MARCHF1: variants seen among roughly 807,000 people sequenced by gnomAD.
MARCHF1 encodes the protein E3 ubiquitin-protein ligase MARCHF1.
In MARCHF1, 40 loss-of-function variants were observed where a neutral mutation model predicts 54.2. The observed-to-expected ratio is 0.74, with a 90% CI of 0.57 to 0.96. The LOEUF (loss-of-function observed/expected upper bound fraction) is 0.96. MARCHF1 is among the 40% of genes least tolerant of loss of function. The pLI is 0.00. For synonymous variants in MARCHF1, 236 were observed against 236.3 expected, an observed-to-expected ratio of 1.00 and a Z score of 0.01; for missense variants, 586 against 656.5, an observed-to-expected ratio of 0.89 and a Z score of 1.17.
intron 3 of MARCHF1, among the ~76,000 whole-genome samples, chr4:163,982,640 G>T (rs1261976406): frequency 6.6e-6 from 1 of 152,160 alleles, no homozygotes; most frequent in African/African-American, 2.4e-5. Context: ...ACAAGGATTG[G>T]TTTTAAAGAA....
chr4:163,761,856 T>C (rs886182221), intron 4 of MARCHF1, among the ~76,000 whole-genome samples: 3 of 152,198 alleles, frequency 2.0e-5, no homozygotes, highest in South Asian at 2.1e-4. Context: ...GATTTGAGTA[T>C]TGAATGTATT....
chr4:163,763,520 C>A (rs1038920057), intron 4 of MARCHF1, among the ~76,000 whole-genome samples: 3 of 151,968 alleles, frequency 2.0e-5, no homozygotes, highest in Non-Finnish European at 4.4e-5. Flanking sequence ...AGTATCCAAG[C>A]CTTTATAAGT....
chr4:164,366,180 C>A (rs574588435), intron 1 of MARCHF1, among the ~76,000 whole-genome samples: 19 of 152,142 alleles, frequency 1.2e-4, no homozygotes, highest in African/African-American at 4.3e-4. Flanking sequence ...CCTTCCAATA[C>A]AAGTTTCGCA....
intron 3 of MARCHF1, among the ~76,000 whole-genome samples, chr4:163,895,645 A>C (rs1240006518): frequency 6.6e-6 from 1 of 152,134 alleles, no homozygotes; most frequent in Non-Finnish European, 1.5e-5. Context: ...TGCACCACAA[A>C]CTTAGCGAGG....
intron 4 of MARCHF1, among the ~76,000 whole-genome samples, chr4:163,838,896 G>A (rs562261302): frequency 2.0e-5 from 3 of 152,020 alleles, no homozygotes; most frequent in African/African-American, 7.2e-5. Context: ...AGAAAAGACT[G>A]GTAAGTTGGA....
chr4:164,080,213 A>T (rs888333229), intron 2 of MARCHF1, among the ~76,000 whole-genome samples: 5 of 152,186 alleles, frequency 3.3e-5, no homozygotes, highest in African/African-American at 1.2e-4. Flanking sequence ...GCCTTTCAAG[A>T]TCTGAGCTGA....
At chr4:163,809,534 T>C (rs1490594974) in intron 4 of MARCHF1, among the ~76,000 whole-genome samples, 2 of 152,190 alleles carry the variant, frequency 1.3e-5, no homozygotes, top group Admixed American at 6.5e-5. Flanking sequence ...TCTACTATTA[T>C]GAAGTCCTCC....
intron 3 of MARCHF1, among the ~76,000 whole-genome samples, chr4:163,870,736 G>T (rs573347917): frequency 1.2e-4 from 18 of 152,120 alleles, no homozygotes; most frequent in African/African-American, 4.1e-4. Flanking sequence ...AAGCCAGCAC[G>T]GAAAGACAAA....
chr4:163,568,794 A>C (rs10022280), intron 8 of MARCHF1, among the ~76,000 whole-genome samples: 1,583 of 152,246 alleles, frequency 0.01, 19 homozygotes, highest in African/African-American at 0.035. Context: ...CACAGGGAGC[A>C]GTGGTCCAAG....
intron 3 of MARCHF1, among the ~76,000 whole-genome samples, chr4:163,942,729 TAGGAA>T (rs1038045341): frequency 2.0e-5 from 3 of 152,138 alleles, no homozygotes; most frequent in African/African-American, 7.2e-5. Context: ...TAGGGAGTTA[TAGGAA>T]AGAACTGATT....
At chr4:163,573,571 T>C (rs1376946712) in intron 8 of MARCHF1, among the ~76,000 whole-genome samples, 3 of 150,878 alleles carry the variant, frequency 2.0e-5, no homozygotes, top group Non-Finnish European at 4.4e-5. Context: ...TGTTTGGTTT[T>C]TTGTTCTTGT....
chr4:163,919,120 T>C (rs1751371554), intron 3 of MARCHF1, among the ~76,000 whole-genome samples: 2 of 152,126 alleles, frequency 1.3e-5, no homozygotes, highest in South Asian at 4.1e-4. Flanking sequence ...CTGAAGATTG[T>C]AAGCAGGAAT....
intron 1 of MARCHF1, among the ~76,000 whole-genome samples, chr4:164,269,942 C>T (rs1357975758): frequency 6.6e-6 from 1 of 152,090 alleles, no homozygotes; most frequent in Non-Finnish European, 1.5e-5. Flanking sequence ...CTGCCATGAG[C>T]CCCTGCAATC....
intron 4 of MARCHF1, among the ~76,000 whole-genome samples, chr4:163,848,249 T>C (rs1051959007): frequency 2.6e-5 from 4 of 152,206 alleles, no homozygotes; most frequent in African/African-American, 7.2e-5. Context: ...CATCTCATCC[T>C]GGAATATAAT....
At chr4:163,907,212 T>C (rs2111324734) in intron 3 of MARCHF1, among the ~76,000 whole-genome samples, 1 of 152,246 alleles carries the variant, frequency 6.6e-6, no homozygotes, top group African/African-American at 2.4e-5. Flanking sequence ...TTGTATCCTA[T>C]ATTTCTATTG....
chr4:164,298,569 T>G (rs1027197663), intron 1 of MARCHF1, among the ~76,000 whole-genome samples: 1 of 152,064 alleles, frequency 6.6e-6, no homozygotes, highest in African/African-American at 2.4e-5. Flanking sequence ...TTACACGGAT[T>G]TAGTTATCTT....
chr4:163,680,118 C>T (rs1388312198), intron 5 of MARCHF1, among the ~76,000 whole-genome samples: 1 of 151,712 alleles, frequency 6.6e-6, no homozygotes, highest in Non-Finnish European at 1.5e-5. Flanking sequence ...TTAACTGAGT[C>T]CAAGGATCTT....
Position 164,158,355 on chromosome 4 carries a change from T to C in MARCHF1, c.-322-46693A>G, listed in dbSNP as rs563316722. 2.6e-5 allele frequency among the ~76,000 whole-genome samples: 4 copies of C among 152,160 alleles called. No individual in the cohort carries two copies. The South Asian group carries it at 6.2e-4, about 24-fold the overall frequency. ...CCAAATATGTGAATATGGAGAGTGA[T>C]AAAAGGTCAGGTGTGGTGGCTCATG... On this transcript the variant is annotated intron_variant, in intron 1 of 9. Transcript: ENST00000514618.
intron 1 of MARCHF1, among the ~76,000 whole-genome samples, chr4:164,232,870 T>C (rs1732451535): frequency 1.3e-5 from 2 of 152,180 alleles, no homozygotes; most frequent in Non-Finnish European, 2.9e-5. Context: ...CACAGAAACC[T>C]ATAGACACGT....
Sources: gnomAD v4.1 joint callset for allele counts (sites outside exome capture counted in the v4.1 genomes callset) on GRCh38, gnomAD v4.1.1 for gene constraint, MANE v1.5 for transcripts, NCBI Gene and HGNC (gene_info 2026-07-23, HGNC 2026-07-21) for gene names.